The following ACOT12 variants were observed in gnomAD, a reference collection of about 807,000 sequenced individuals.
ACOT12 encodes acyl-CoA thioesterase 12, also known as acetyl-coenzyme A thioesterase.
A neutral mutation model predicts 67.7 loss-of-function variants in ACOT12; 51 were observed. The observed-to-expected ratio is 0.75, with a 90% CI of 0.60 to 0.95. The LOEUF (loss-of-function observed/expected upper bound fraction) is 0.95. Among genes scored for constraint, ACOT12 ranks in the 40% least tolerant of loss-of-function variants. The pLI, the probability that ACOT12 is intolerant of heterozygous loss-of-function variation, is 0.00. For missense variants in ACOT12, 734 were observed against 708.1 expected, an observed-to-expected ratio of 1.04 and a Z score of -0.41; for synonymous variants, 251 against 244.6, an observed-to-expected ratio of 1.03 and a Z score of -0.24.
At position 81,347,933 on chromosome 5, in the gene ACOT12, G is replaced by C. The variant is rs768523382; in HGVS notation, c.497-3C>G. 3.1e-6 allele frequency: 5 copies of C among 1,612,862 alleles called. No individual in the cohort carries two copies. The highest frequency in any genetic ancestry group is 4.2e-6 in the Non-Finnish European group (5 of 1,179,438). On this transcript the variant is annotated splice_polypyrimidine_tract_variant and splice_region_variant and intron_variant, in intron 5 of 14. Coordinates refer to ENST00000307624, the MANE Select transcript of ACOT12 (RefSeq NM_130767.3). Reference sequence around the variant, plus strand: ...TTCCTCTTCATCAAAAATGAGATCTGAAAGGTGGATGTAAACATTAATGAT... The same window carrying C: ...TTCCTCTTCATCAAAAATGAGATCTCAAAGGTGGATGTAAACATTAATGAT...
chr5:81,309,180 TC>T, the ACOT12 span: 1 of 607,158 alleles, frequency 1.6e-6, no homozygotes, highest in Admixed American at 3.6e-5. Flanking sequence ...TCAAGTGCTA[TC>T]ATATGTACTA....
At position 81,360,006 on chromosome 5, in the gene ACOT12, T is replaced by C. The variant is rs752264174; in HGVS notation, c.393A>G (p.Glu131=). ...CCAGATTATGTTCCACATGATCTTG[T>C]TCAGTTAGAAGTGTGACTGGTTTTA... ...IHLKPVTLLT[E]QDHVEHNLAA... The change falls in exon 5 of 15, where the codon GAA becomes GAG. Residue 131 remains glutamate (E), a synonymous_variant. Coordinates refer to ENST00000307624, the MANE Select transcript of ACOT12 (RefSeq NM_130767.3). The C allele has an allele frequency of 6.2e-7, 1 of 1,611,708 alleles. No homozygotes were observed. The highest frequency in any genetic ancestry group is 1.1e-5 in the South Asian group (1 of 90,294).
chr5:81,324,362 G>T, the ACOT12 span, among the ~76,000 whole-genome samples: 21 of 152,176 alleles, frequency 1.4e-4, no homozygotes, highest in Non-Finnish European at 2.9e-4. Flanking sequence ...AATAGAATTT[G>T]CTGAAGGAAA....
chr5:81,390,207 C>T (rs183393672), intron 1 of ACOT12, among the ~76,000 whole-genome samples: 10 of 151,480 alleles, frequency 6.6e-5, no homozygotes, highest in Admixed American at 6.6e-4. Flanking sequence ...AACCATCCTC[C>T]TACCTGAGCC....
chr5:81,311,295 C>G, the ACOT12 span: 2 of 1,613,000 alleles, frequency 1.2e-6, no homozygotes, highest in South Asian at 2.2e-5. Flanking sequence ...ATCTCTGGGC[C>G]TCTACTTAGA....
intron 3 of ACOT12, among the ~76,000 whole-genome samples, chr5:81,364,862 C>A (rs1486923185): frequency 1.3e-5 from 2 of 152,054 alleles, no homozygotes; most frequent in African/African-American, 4.8e-5. Flanking sequence ...CTTTTTTTAG[C>A]CTTTACTCTC....
At chr5:81,340,906 A>G (rs1405170282) in intron 11 of ACOT12, among the ~76,000 whole-genome samples, 1 of 152,246 alleles carries the variant, frequency 6.6e-6, no homozygotes, top group African/African-American at 2.4e-5. Flanking sequence ...TACTTTATAC[A>G]ATATCCTCTA....
At chr5:81,335,933 A>G in intron 11 of ACOT12, 32 bp from the exon 12 acceptor site, 2 of 1,587,264 alleles carry the variant, frequency 1.3e-6, no homozygotes, top group Non-Finnish European at 1.7e-6. Context: ...AAATTACGAA[A>G]GAAAACTGAT....
chr5:81,378,907 T>C (rs1008515059), intron 2 of ACOT12, among the ~76,000 whole-genome samples: 1 of 152,228 alleles, frequency 6.6e-6, no homozygotes, highest in Non-Finnish European at 1.5e-5. Flanking sequence ...TCAACCATTG[T>C]GGAAGACAAC....
chr5:81,336,560 T>G (rs1759010055), intron 11 of ACOT12, among the ~76,000 whole-genome samples: 1 of 152,190 alleles, frequency 6.6e-6, no homozygotes, highest in South Asian at 2.1e-4. Context: ...TGGGGAGCCA[T>G]TTGACATATA....
intron 3 of ACOT12, among the ~76,000 whole-genome samples, chr5:81,370,704 G>A (rs1760222897): frequency 1.3e-5 from 2 of 152,150 alleles, no homozygotes; most frequent in African/African-American, 4.8e-5. Context: ...CCCATATTTT[G>A]ATGTAGGACT....
intron 5 of ACOT12, among the ~76,000 whole-genome samples, chr5:81,352,155 T>G (rs551117086): frequency 3.7e-4 from 56 of 152,186 alleles, no homozygotes; most frequent in Non-Finnish European, 7.4e-4. Flanking sequence ...ACACTGTTGG[T>G]GGGAATGTAA....
chr5:81,345,182 T>C, intron 7 of ACOT12, 141 bp from the exon 8 acceptor site: 2 of 1,147,306 alleles, frequency 1.7e-6, no homozygotes, highest in Middle Eastern at 5.9e-4. Flanking sequence ...TTCTTGTTTG[T>C]TATCAGCAAA....
intron 5 of ACOT12, among the ~76,000 whole-genome samples, chr5:81,356,531 TC>T (rs1379593271): frequency 6.6e-6 from 1 of 152,056 alleles, no homozygotes; most frequent in Non-Finnish European, 1.5e-5. Flanking sequence ...TCAGATGAAA[TC>T]TCCCCAGCTG....
chr5:81,381,066 A>AT (rs1295864328), intron 2 of ACOT12, among the ~76,000 whole-genome samples: 1,557 of 148,354 alleles, frequency 0.01, 27 homozygotes, highest in African/African-American at 0.035. Context: ...CAGTATTAAA[A>AT]CCTTTTTTTT....
chr5:81,330,554 A>G lies in ACOT12; in HGVS notation c.1519-11T>C, dbSNP rs1036063682. On this transcript the variant is annotated splice_polypyrimidine_tract_variant and intron_variant, in intron 14 of 14. Transcript: ENST00000307624. ...GTTAAAGTAAGATACCTGTTTCAAA[A>G]AGAAAGTACAATATTTTAATTTCTT... is the stretch of plus-strand genomic sequence containing the variant. 5 of 1,611,338 alleles carry G rather than the reference A, an allele frequency of 3.1e-6. No individual in the cohort carries two copies. In the Admixed American group the frequency reaches 8.4e-5, roughly 27 times the overall value.
intron 4 of ACOT12, among the ~76,000 whole-genome samples, chr5:81,362,354 G>T (rs74508398): frequency 0.026 from 3,958 of 151,812 alleles, 82 homozygotes; most frequent in Middle Eastern, 0.041. Context: ...TTAGTAGAGA[G>T]GGGGTTTCTC....
At chr5:81,347,732 C>T (rs780477993) in intron 6 of ACOT12, 42 bp downstream of exon 6, 1 of 1,601,242 alleles carries the variant, frequency 6.2e-7, no homozygotes, top group Non-Finnish European at 8.5e-7. Flanking sequence ...ACTTTCTCCT[C>T]ACTGGTCCCA....
intron 2 of ACOT12, among the ~76,000 whole-genome samples, chr5:81,377,289 A>G (rs6890483): frequency 0.62 from 94,571 of 152,060 alleles, 31,574 homozygotes; most frequent in African/African-American, 0.85. Context: ...AAATTCAACA[A>G]TCCATTCATG....
Sources: allele counts gnomAD v4.1 joint callset (sites outside exome capture counted in the v4.1 genomes callset), GRCh38; gene constraint gnomAD v4.1.1; transcripts MANE v1.5; gene names NCBI Gene and HGNC (gene_info 2026-07-23, HGNC 2026-07-21).